Variants in KCNB2 observed in about 807,000 individuals in gnomAD.
The protein encoded by KCNB2 is potassium voltage-gated channel subfamily B member 2, also known as delayed rectifier potassium channel protein.
Under a neutral mutation model 61.5 loss-of-function variants are expected in KCNB2, and 15 were observed. The ratio of observed to expected loss-of-function variants is 0.24; its 90% CI spans 0.16 to 0.38. The LOEUF (loss-of-function observed/expected upper bound fraction) is 0.38, where lower values mean the gene tolerates loss of function less well. Among genes scored for constraint, KCNB2 ranks in the 10% least tolerant of loss-of-function variants. KCNB2 has a pLI of 1.00. For missense variants in KCNB2, 828 were observed against 1,125.2 expected, an observed-to-expected ratio of 0.74 and a Z score of 3.78; for synonymous variants, 457 against 446.0, an observed-to-expected ratio of 1.02 and a Z score of -0.31.
intron 2 of KCNB2, 75 bp from the exon 3 acceptor site, chr8:72,935,860 A>G: frequency 2.0e-6 from 2 of 997,590 alleles, no homozygotes; most frequent in South Asian, 1.5e-5. Context: ...TAGTTAAACA[A>G]TCACCGACCC....
chr8:72,763,128 A>G (rs1352851479), intron 2 of KCNB2, among the ~76,000 whole-genome samples: 3 of 151,702 alleles, frequency 2.0e-5, no homozygotes, highest in African/African-American at 7.3e-5. Context: ...AGGAACTGAT[A>G]TCAGGTAGTA....
chr8:72,852,864 A>T (rs934341052), intron 2 of KCNB2, among the ~76,000 whole-genome samples: 1 of 152,246 alleles, frequency 6.6e-6, no homozygotes. Flanking sequence ...TAAATCTGTG[A>T]TCATAACACT....
chr8:72,589,790 T>A (rs1385666490), intron 2 of KCNB2, among the ~76,000 whole-genome samples: 1 of 152,226 alleles, frequency 6.6e-6, no homozygotes, highest in African/African-American at 2.4e-5. Flanking sequence ...GTTGCAACAC[T>A]GCTCATGTTG....
At chr8:72,925,551 G>A (rs1054332862) in intron 2 of KCNB2, among the ~76,000 whole-genome samples, 7 of 152,116 alleles carry the variant, frequency 4.6e-5, no homozygotes, top group Admixed American at 2.0e-4. Flanking sequence ...AAAGCTCAAC[G>A]TCACTGATCA....
intron 2 of KCNB2, among the ~76,000 whole-genome samples, chr8:72,669,966 A>G (rs1806536408): frequency 6.6e-6 from 1 of 152,228 alleles, no homozygotes; most frequent in Admixed American, 6.5e-5. Flanking sequence ...AACACCTGCC[A>G]GGCATGAGGA....
intron 2 of KCNB2, among the ~76,000 whole-genome samples, chr8:72,733,949 C>T (rs920658426): frequency 2.6e-5 from 4 of 152,188 alleles, no homozygotes; most frequent in East Asian, 1.9e-4. Flanking sequence ...TGTGATCGGG[C>T]GTCTACTTTT....
chr8:72,583,444 A>T (rs1213769522), intron 2 of KCNB2, among the ~76,000 whole-genome samples: 1 of 151,248 alleles, frequency 6.6e-6, no homozygotes, highest in Non-Finnish European at 1.5e-5. Flanking sequence ...ATTATAAATT[A>T]ATTCTTTCAA....
intron 2 of KCNB2, among the ~76,000 whole-genome samples, chr8:72,709,460 G>C (rs116443708): frequency 6.6e-6 from 1 of 151,830 alleles, no homozygotes; most frequent in East Asian, 2.0e-4. Flanking sequence ...CAGGAAGCAC[G>C]GTGCCGGCAT....
At chr8:72,697,358 C>T (rs1051342303) in intron 2 of KCNB2, among the ~76,000 whole-genome samples, 29 of 152,074 alleles carry the variant, frequency 1.9e-4, no homozygotes, top group African/African-American at 6.8e-4. Flanking sequence ...TCTACTTTTA[C>T]CTGAGATATT....
At chr8:72,688,439 C>G (rs1350635074) in intron 2 of KCNB2, among the ~76,000 whole-genome samples, 1 of 152,024 alleles carries the variant, frequency 6.6e-6, no homozygotes, top group Non-Finnish European at 1.5e-5. Context: ...CCTGCTTAAC[C>G]TCCTTGGGTT....
At chr8:72,864,781 T>C (rs1423241315) in intron 2 of KCNB2, among the ~76,000 whole-genome samples, 1 of 152,230 alleles carries the variant, frequency 6.6e-6, no homozygotes, top group Non-Finnish European at 1.5e-5. Flanking sequence ...TGATTAGCCA[T>C]CTGATGTTTC....
chr8:72,572,274 G>A (rs1400374674), intron 2 of KCNB2, among the ~76,000 whole-genome samples: 1 of 152,132 alleles, frequency 6.6e-6, no homozygotes, highest in African/African-American at 2.4e-5. Context: ...GTGTGTGCCG[G>A]GCAGTGCCAG....
intron 2 of KCNB2, among the ~76,000 whole-genome samples, chr8:72,808,697 A>G (rs554339006): frequency 1.3e-5 from 2 of 152,292 alleles, no homozygotes; most frequent in Non-Finnish European, 2.9e-5. Context: ...AAAATAGACA[A>G]AGATCCCATG....
At chr8:72,756,452 A>G (rs991107460) in intron 2 of KCNB2, among the ~76,000 whole-genome samples, 1 of 152,200 alleles carries the variant, frequency 6.6e-6, no homozygotes, top group East Asian at 1.9e-4. Flanking sequence ...GTTTAGACCC[A>G]TGGTTCTTGA....
chr8:72,735,065 T>C (rs970519857), intron 2 of KCNB2, among the ~76,000 whole-genome samples: 2 of 152,166 alleles, frequency 1.3e-5, no homozygotes. Flanking sequence ...CCCCTTTGTC[T>C]CCTTGTCACA....
chr8:72,706,414 T>C (rs545126439), intron 2 of KCNB2, among the ~76,000 whole-genome samples: 11 of 152,238 alleles, frequency 7.2e-5, no homozygotes, highest in Admixed American at 7.2e-4. Context: ...AAAATATAAG[T>C]GTAGTCCACA....
intron 2 of KCNB2, among the ~76,000 whole-genome samples, chr8:72,859,718 T>G (rs1378341241): frequency 7.4e-6 from 1 of 134,876 alleles, no homozygotes; most frequent in Admixed American, 7.5e-5. Flanking sequence ...TTTTTTTTTT[T>G]TTTTTTTTTT....
Position 72,726,047 on chromosome 8 carries a change from G to A in KCNB2, c.579+157734G>A, listed in dbSNP as rs145636447. On this transcript the variant is annotated intron_variant, in intron 2 of 2. Coordinates refer to ENST00000523207, the MANE Select transcript of KCNB2 (RefSeq NM_004770.3). ...AAACATCTACTGTGGAGTGAACTGCGTCCCCCTGCAAATTCATATGTTGAA... is the reference window on the plus strand; with the variant it reads ...AAACATCTACTGTGGAGTGAACTGCATCCCCCTGCAAATTCATATGTTGAA... Among the ~76,000 whole-genome samples the A allele has an allele frequency of 2.6e-3, 398 of 152,236 alleles. 2 individuals are homozygous for A. Among genetic ancestry groups the A allele is most frequent in the Non-Finnish European group, 3.7e-3 (249 of 68,018 alleles).
intron 1 of KCNB2, among the ~76,000 whole-genome samples, chr8:72,561,258 G>C (rs1206679689): frequency 1.3e-5 from 2 of 151,734 alleles, no homozygotes; most frequent in African/African-American, 2.4e-5. Flanking sequence ...CCAGGTTCTG[G>C]CAATTCTCCT....
Sources: gnomAD v4.1 joint callset for allele counts (sites outside exome capture counted in the v4.1 genomes callset) on GRCh38, gnomAD v4.1.1 for gene constraint, MANE v1.5 for transcripts, NCBI Gene and HGNC (gene_info 2026-07-23, HGNC 2026-07-21) for gene names.